The following ANAPC10 variants were observed in gnomAD, a reference collection of about 807,000 sequenced individuals.
ANAPC10 encodes anaphase promoting complex subunit 10, also known as anaphase-promoting complex subunit 10.
A neutral mutation model predicts 22.0 loss-of-function variants in ANAPC10; 12 were observed. The observed-to-expected ratio is 0.55, with a 90% confidence interval of 0.35 to 0.88. The LOEUF (loss-of-function observed/expected upper bound fraction) is 0.88, where lower values mean the gene tolerates loss of function less well. Ranked by LOEUF, ANAPC10 falls within the 40% of genes least tolerant of loss-of-function variation. The probability of loss-of-function intolerance (pLI) is 0.01; values close to 1 mark genes in which losing one functional copy is unlikely to be tolerated. For synonymous variants in ANAPC10, 65 were observed against 69.5 expected, an observed-to-expected ratio of 0.94 and a Z score of 0.32; for missense variants, 188 against 220.9, an observed-to-expected ratio of 0.85 and a Z score of 0.94.
chr4:145,059,346 G>A (rs986683450), intron 4 of ANAPC10, among the ~76,000 whole-genome samples: 2 of 152,036 alleles, frequency 1.3e-5, no homozygotes, highest in African/African-American at 4.8e-5. Context: ...CACAAGTAGA[G>A]AGCGAAAGGC....
chr4:145,015,495 TA>T (rs1734978999), intron 4 of ANAPC10, among the ~76,000 whole-genome samples: 1 of 151,922 alleles, frequency 6.6e-6, no homozygotes. Flanking sequence ...AAGAGAAATC[TA>T]AAAGCTGAAA....
intron 4 of ANAPC10, among the ~76,000 whole-genome samples, chr4:145,024,097 A>C (rs1178738068): frequency 6.6e-6 from 1 of 152,072 alleles, no homozygotes; most frequent in African/African-American, 2.4e-5. Context: ...ATAAGATGCA[A>C]CTCCTCATCA....
chr4:144,999,086 T>C (rs1578854023), intron 4 of ANAPC10, among the ~76,000 whole-genome samples: 1 of 152,140 alleles, frequency 6.6e-6, no homozygotes, highest in East Asian at 1.9e-4. Context: ...AATCCCTGAA[T>C]AGACCAATAA....
intron 4 of ANAPC10, among the ~76,000 whole-genome samples, chr4:145,055,675 A>ATCTATT (rs1741961471): frequency 6.6e-6 from 1 of 152,198 alleles, no homozygotes; most frequent in African/African-American, 2.4e-5. Context: ...CAAATATTGT[A>ATCTATT]TGATTTCACT....
At chr4:145,063,197 G>A (rs1335802634) in intron 4 of ANAPC10, among the ~76,000 whole-genome samples, 1 of 152,188 alleles carries the variant, frequency 6.6e-6, no homozygotes, top group East Asian at 1.9e-4. Context: ...GTGAAGTAAT[G>A]CATATGTTAA....
chr4:145,091,313 G>C (rs1747647167), intron 2 of ANAPC10, among the ~76,000 whole-genome samples: 1 of 152,140 alleles, frequency 6.6e-6, no homozygotes, highest in Non-Finnish European at 1.5e-5. Context: ...TTCAGTGCTA[G>C]TTTACCAAGG....
intron 4 of ANAPC10, among the ~76,000 whole-genome samples, chr4:145,003,408 G>A (rs910802900): frequency 2.0e-5 from 3 of 152,158 alleles, no homozygotes; most frequent in African/African-American, 4.8e-5. Flanking sequence ...AATGGAATTT[G>A]TGGGTGAAAT....
chr4:145,012,708 G>A (rs969372056), intron 4 of ANAPC10, among the ~76,000 whole-genome samples: 1 of 152,164 alleles, frequency 6.6e-6, no homozygotes, highest in Non-Finnish European at 1.5e-5. Flanking sequence ...GGCTTTATCA[G>A]TTGGACTGGC....
chr4:145,066,462 A>G (rs1743699168), intron 3 of ANAPC10, among the ~76,000 whole-genome samples: 1 of 152,108 alleles, frequency 6.6e-6, no homozygotes. Flanking sequence ...ATCAAAGATC[A>G]CGAAGATGGC....
chr4:145,002,312 TAAG>T (rs2126862544), intron 4 of ANAPC10, among the ~76,000 whole-genome samples: 1 of 152,252 alleles, frequency 6.6e-6, no homozygotes, highest in South Asian at 2.1e-4. Flanking sequence ...AAAAGCAGCT[TAAG>T]AAGAAAGACA....
intron 4 of ANAPC10, among the ~76,000 whole-genome samples, chr4:145,041,473 C>T (rs1359647596): frequency 6.6e-6 from 1 of 152,176 alleles, no homozygotes; most frequent in Non-Finnish European, 1.5e-5. Context: ...ACGAACAGCC[C>T]AGTGTGGAAA....
In ANAPC10 at chr4:145,081,654, A is replaced by T. The variant is rs766370853; in HGVS notation, c.206+6T>A. The T allele has an allele frequency of 6.3e-7, 1 of 1,591,728 alleles. No individual in the cohort carries two copies. The highest frequency in any genetic ancestry group is 8.6e-7 in the Non-Finnish European group (1 of 1,164,360). On this transcript the variant is annotated splice_donor_region_variant and intron_variant, in intron 3 of 4. Coordinates refer to ENST00000507656, the MANE Select transcript of ANAPC10 (RefSeq NM_001256706.2). ...TAGATGAAAAATTTGAAAATGTATT[A>T]ATTACCTGAATTGGATGTTCACTAA...
intron 4 of ANAPC10, among the ~76,000 whole-genome samples, chr4:145,014,197 C>G (rs1432459907): frequency 6.6e-6 from 1 of 152,032 alleles, no homozygotes; most frequent in African/African-American, 2.4e-5. Context: ...GGGGCAAGTT[C>G]TCAGGTCTGC....
At chr4:145,069,009 GAT>G (rs1267257214) in intron 3 of ANAPC10, among the ~76,000 whole-genome samples, 1 of 152,140 alleles carries the variant, frequency 6.6e-6, no homozygotes, top group Non-Finnish European at 1.5e-5. Context: ...GTTTTGAAAG[GAT>G]ATATGAGACC....
chr4:145,042,654 T>C (rs368265818), intron 4 of ANAPC10, among the ~76,000 whole-genome samples: 4 of 151,854 alleles, frequency 2.6e-5, no homozygotes, highest in Non-Finnish European at 5.9e-5. Flanking sequence ...CCCTCACAAA[T>C]TGAAAAATAT....
At chr4:145,094,161 A>G (rs953965100) in intron 2 of ANAPC10, among the ~76,000 whole-genome samples, 7 of 152,222 alleles carry the variant, frequency 4.6e-5, no homozygotes, top group African/African-American at 1.7e-4. Context: ...ACAGTAATCA[A>G]CAATAAAAAG....
intron 4 of ANAPC10, among the ~76,000 whole-genome samples, chr4:144,998,113 C>A (rs1433796950): frequency 1.3e-5 from 2 of 152,162 alleles, no homozygotes; most frequent in African/African-American, 4.8e-5. Flanking sequence ...GAGACTTAGA[C>A]TCCCACACAA....
chr4:145,079,907 A>G (rs35505126), intron 3 of ANAPC10, among the ~76,000 whole-genome samples: 1 of 151,814 alleles, frequency 6.6e-6, no homozygotes, highest in African/African-American at 2.4e-5. Context: ...TGAGGTCAGG[A>G]GTTTGAGACC....
At chr4:145,085,262 T>A (rs143660034) in intron 2 of ANAPC10, among the ~76,000 whole-genome samples, 11 of 151,772 alleles carry the variant, frequency 7.2e-5, no homozygotes, top group African/African-American at 2.4e-4. Flanking sequence ...GACAAAAAAA[T>A]AAAAATAAAA....
Sources: gnomAD v4.1 joint callset for allele counts (sites outside exome capture counted in the v4.1 genomes callset) on GRCh38, gnomAD v4.1.1 for gene constraint, MANE v1.5 for transcripts, NCBI Gene and HGNC (gene_info 2026-07-23, HGNC 2026-07-21) for gene names.